The following DNAJC10 variants were observed in gnomAD, a reference collection of about 807,000 sequenced individuals.
DNAJC10 encodes DnaJ heat shock protein family (Hsp40) member C10.
DNAJC10 carries 101 observed loss-of-function variants against 115.0 expected under a neutral mutation model. The observed-to-expected ratio is 0.88, with a 90% CI of 0.75 to 1.04. The LOEUF (loss-of-function observed/expected upper bound fraction) is 1.04, where lower values mean the gene tolerates loss of function less well. Among genes scored for constraint, DNAJC10 ranks in the 50% least tolerant of loss-of-function variants. DNAJC10 has a pLI of 0.00. For synonymous variants in DNAJC10, 307 were observed against 301.5 expected (o/e 1.02, Z -0.19); for missense variants, 981 against 928.8 (o/e 1.06, Z -0.73).
chr2:182,789,632 G>C lies in DNAJC10; in HGVS notation c.*12500G>C, dbSNP rs1695014330. The C allele has an allele frequency of 1.3e-5, 2 of 152,200 alleles. No individual in the cohort carries two copies. The highest frequency in any genetic ancestry group is 2.9e-5 in the Non-Finnish European group (2 of 68,050). 9.4% of individuals were successfully genotyped at this position (152,200 alleles called of 1,614,324 possible). A position where few individuals can be genotyped will look rare whatever the true frequency, so the allele number is the denominator to read the frequency against. ...CCCTTTGGCCATTGCAAATAATGCT[G>C]CTATAAACATGGGTGTACAAATATC... On this transcript the variant is annotated 3_prime_UTR_variant, in exon 24 of 24. Transcript: ENST00000264065.
intron 22 of DNAJC10, among the ~76,000 whole-genome samples, chr2:182,770,697 G>A (rs1329646561): frequency 2.0e-5 from 3 of 152,174 alleles, no homozygotes; most frequent in Non-Finnish European, 2.9e-5. Context: ...TCAGCTTAAG[G>A]AGATTTTGGG....
chr2:182,762,926 C>T, intron 22 of DNAJC10, 125 bp downstream of exon 22: 1 of 1,112,402 alleles, frequency 9.0e-7, no homozygotes. Context: ...TTACATATTA[C>T]TGATACAAGT....
At chr2:182,752,470 T>C (rs1694048103) in intron 16 of DNAJC10, 1 of 416,482 alleles carries the variant, frequency 2.4e-6, no homozygotes, top group South Asian at 1.1e-4. Flanking sequence ...GATTTTCCAA[T>C]TATTGAAGAT....
At chr2:182,756,715 C>T (rs1038160116) in intron 18 of DNAJC10, among the ~76,000 whole-genome samples, 2 of 151,886 alleles carry the variant, frequency 1.3e-5, no homozygotes, top group African/African-American at 4.8e-5. Flanking sequence ...CAGAGTCTCG[C>T]TCTGGAGTGC....
At chr2:182,725,237 C>G (rs1419704013) in intron 5 of DNAJC10, among the ~76,000 whole-genome samples, 19 of 152,168 alleles carry the variant, frequency 1.2e-4, no homozygotes, top group Admixed American at 3.3e-4. Context: ...TCTCCCACTT[C>G]TTGGGCCTCC....
Position 182,791,389 on chromosome 2 carries a change from A to G in DNAJC10, c.*14257A>G, listed in dbSNP as rs1016225011. 6.6e-6 allele frequency: 1 copy of G among 152,192 alleles called. No individual in the cohort carries two copies. Among genetic ancestry groups the G allele is most frequent in the Admixed American group, 6.5e-5 (1 of 15,280 alleles). 9.4% of individuals were successfully genotyped at this position (152,192 alleles called of 1,614,324 possible). ...TATTTTTGAATACTATTCTGGCCAA[A>G]TTAGTATAAAATGGGTTACTCTAAA... is the stretch of plus-strand genomic sequence containing the variant. On this transcript the variant is annotated 3_prime_UTR_variant, in exon 24 of 24. Coordinates refer to ENST00000264065, the MANE Select transcript of DNAJC10 (RefSeq NM_018981.4).
At chr2:182,725,955 A>G (rs1693273016) in intron 5 of DNAJC10, among the ~76,000 whole-genome samples, 1 of 152,210 alleles carries the variant, frequency 6.6e-6, no homozygotes. Flanking sequence ...AAGTCATATT[A>G]TCTAAGAAAT....
chr2:182,730,682 A>G (rs1283545049), intron 8 of DNAJC10: 6 of 360,624 alleles, frequency 1.7e-5, no homozygotes, highest in African/African-American at 4.3e-5. Context: ...GGAACTGGCA[A>G]TACTTCATGA....
At chr2:182,771,902 T>C (rs1000510736) in intron 22 of DNAJC10, among the ~76,000 whole-genome samples, 8 of 152,188 alleles carry the variant, frequency 5.3e-5, no homozygotes, top group African/African-American at 1.4e-4. Context: ...GTTCTTTTAA[T>C]TGTGATGTTA....
chr2:182,764,811 A>G (rs1694369422), intron 22 of DNAJC10, among the ~76,000 whole-genome samples: 2 of 152,182 alleles, frequency 1.3e-5, no homozygotes, highest in Admixed American at 6.5e-5. Context: ...AAATCTGGGT[A>G]TGAGCATGGC....
intron 11 of DNAJC10, among the ~76,000 whole-genome samples, chr2:182,738,683 G>A (rs553272229): frequency 6.6e-6 from 1 of 152,122 alleles, no homozygotes; most frequent in African/African-American, 2.4e-5. Context: ...TGGGACTACA[G>A]GTGCACGCCG....
intron 11 of DNAJC10, chr2:182,739,498 T>C: frequency 4.2e-6 from 5 of 1,177,538 alleles, no homozygotes; most frequent in Non-Finnish European, 5.4e-6. Context: ...TCAACTTTCA[T>C]ATACATTTTC....
intron 8 of DNAJC10, chr2:182,730,514 TA>T (rs1433781512): frequency 4.5e-6 from 2 of 447,720 alleles, no homozygotes; most frequent in Non-Finnish European, 9.0e-6. Context: ...TAAAATGCAA[TA>T]TAGGTACTAT....
chr2:182,778,965 C>G lies in DNAJC10; in HGVS notation c.*1833C>G, dbSNP rs1694778642. 1 of 152,144 alleles carries G rather than the reference C, an allele frequency of 6.6e-6. No individual in the cohort carries two copies. Among genetic ancestry groups the G allele is most frequent in the African/African-American group, 2.4e-5 (1 of 41,436 alleles). The allele number at this position is 152,144 out of a possible 1,614,324, so 9.4% of individuals were successfully genotyped here. A position where few individuals can be genotyped will look rare whatever the true frequency, so the allele number is the denominator to read the frequency against. Reference sequence around the variant, plus strand: ...TTCAAAAGGAATCTAAGACATGGTCCCCATCTTCCAACTGTCTGTAATTCA... The same window carrying G: ...TTCAAAAGGAATCTAAGACATGGTCGCCATCTTCCAACTGTCTGTAATTCA... On this transcript the variant is annotated 3_prime_UTR_variant, in exon 24 of 24. Transcript: ENST00000264065.
Position 182,722,031 on chromosome 2 carries a change from AT to A in DNAJC10, c.375del (p.Tyr125Ter). Reference sequence around the variant, plus strand: ...TATATACTTTTAAAATTAGGTATTTATGATGATGATCCTGAAATCATAACAT... The same window carrying A: ...TATATACTTTTAAAATTAGGTATTTAGATGATGATCCTGAAATCATAACAT... ...WNYYRYDFGI[Y>X]DDDPEIITLE... On this transcript the variant is annotated frameshift_variant, in exon 5 of 24. Coordinates refer to ENST00000264065, the MANE Select transcript of DNAJC10 (RefSeq NM_018981.4). LOFTEE classifies it high-confidence loss of function. The A allele has an allele frequency of 1.3e-6, 2 of 1,537,764 alleles. No homozygotes were observed. Among genetic ancestry groups the A allele is most frequent in the African/African-American group, 2.8e-5 (2 of 71,830 alleles).
At chr2:182,727,040 G>A (rs1439918602) in intron 5 of DNAJC10, among the ~76,000 whole-genome samples, 1 of 133,458 alleles carries the variant, frequency 7.5e-6, no homozygotes, top group African/African-American at 3.0e-5. Flanking sequence ...ATTAAGGTAT[G>A]TACATTGTTT....
intron 5 of DNAJC10, among the ~76,000 whole-genome samples, chr2:182,724,409 C>T (rs758023599): frequency 1.6e-4 from 25 of 152,110 alleles, no homozygotes; most frequent in Admixed American, 3.3e-4. Context: ...GATAAAAAGG[C>T]GAGGGTAATC....
At chr2:182,729,822 G>A (rs746160251) in intron 7 of DNAJC10, 26 bp from the exon 8 acceptor site, 2 of 1,452,428 alleles carry the variant, frequency 1.4e-6, no homozygotes, top group Admixed American at 2.2e-5. Context: ...AGTAAAAGAT[G>A]TTTCTCTTCT....
At chr2:182,751,280 G>GT (rs1300555336) in intron 14 of DNAJC10, among the ~76,000 whole-genome samples, 2 of 151,566 alleles carry the variant, frequency 1.3e-5, no homozygotes, top group Non-Finnish European at 2.9e-5. Context: ...GACTACACAC[G>GT]TGGCCACCAT....
Sources: gnomAD v4.1 joint callset for allele counts (sites outside exome capture counted in the v4.1 genomes callset) on GRCh38, gnomAD v4.1.1 for gene constraint, MANE v1.5 for transcripts, NCBI Gene and HGNC (gene_info 2026-07-23, HGNC 2026-07-21) for gene names.